EFHC1: variants seen among roughly 807,000 people sequenced by gnomAD.
The protein encoded by EFHC1 is EF-hand domain containing 1, also known as EF-hand domain-containing protein 1.
In EFHC1, 53 loss-of-function variants were observed where a neutral mutation model predicts 69.9. The observed-to-expected ratio is 0.76, with a 90% CI of 0.61 to 0.95. EFHC1 has a LOEUF of 0.95. Among genes scored for constraint, EFHC1 ranks in the 40% least tolerant of loss-of-function variants. The probability of loss-of-function intolerance (pLI) is 0.00; values close to 1 mark genes in which losing one functional copy is unlikely to be tolerated. For missense variants in EFHC1, 739 were observed against 798.7 expected, an observed-to-expected ratio of 0.93 and a Z score of 0.90; for synonymous variants, 256 against 278.4, an observed-to-expected ratio of 0.92 and a Z score of 0.80.
At chr6:52,468,416 G>C (rs1765358041) in intron 6 of EFHC1, 1 of 152,192 alleles carries the variant, frequency 6.6e-6, no homozygotes, top group Non-Finnish European at 1.5e-5. Flanking sequence ...ATTTAGGGAA[G>C]GTCTTTATTC....
At chr6:52,432,146 C>T (rs1764429256) in intron 2 of EFHC1, among the ~76,000 whole-genome samples, 1 of 152,104 alleles carries the variant, frequency 6.6e-6, no homozygotes, top group Non-Finnish European at 1.5e-5. Flanking sequence ...CTTATCCATT[C>T]TGCGATTCTG....
chr6:52,439,276 G>T (rs768243193), intron 3 of EFHC1, among the ~76,000 whole-genome samples: 6 of 152,128 alleles, frequency 3.9e-5, no homozygotes, highest in Non-Finnish European at 8.8e-5. Context: ...TAGCAGCAAA[G>T]ATATAGTTTC....
chr6:52,455,120 T>A (rs1158256016), intron 5 of EFHC1, among the ~76,000 whole-genome samples: 1 of 151,906 alleles, frequency 6.6e-6, no homozygotes, highest in Non-Finnish European at 1.5e-5. Flanking sequence ...CCTACCATAT[T>A]TGAGAGTGGC....
intron 5 of EFHC1, among the ~76,000 whole-genome samples, chr6:52,459,896 G>A (rs988004303): frequency 6.6e-6 from 1 of 152,094 alleles, no homozygotes; most frequent in African/African-American, 2.4e-5. Flanking sequence ...GGATGGTCTC[G>A]ATCTCCTGAC....
intron 2 of EFHC1, among the ~76,000 whole-genome samples, chr6:52,424,452 ATATTCTATGTT>A (rs1399095927): frequency 6.6e-6 from 1 of 152,196 alleles, no homozygotes; most frequent in East Asian, 1.9e-4. Context: ...TCTTGAATTT[ATATTCTATGTT>A]TATCAGCCGT....
chr6:52,474,459 T>C (rs1562460449), intron 7 of EFHC1, among the ~76,000 whole-genome samples: 1 of 152,256 alleles, frequency 6.6e-6, no homozygotes, highest in Non-Finnish European at 1.5e-5. Context: ...TCATACTCTT[T>C]ACTAAGAGAG....
At chr6:52,469,214 T>TC in intron 6 of EFHC1, 119 bp from the exon 7 acceptor site, 2 of 1,303,168 alleles carry the variant, frequency 1.5e-6, no homozygotes, top group Non-Finnish European at 1.1e-6. Flanking sequence ...TTTGTTTATG[T>TC]AGAAAATATA....
intron 1 of EFHC1, chr6:52,421,151 T>A (rs1764182713): frequency 1.5e-6 from 1 of 658,552 alleles, no homozygotes; most frequent in Admixed American, 6.2e-5. Context: ...TTTAGTCCCA[T>A]CCTCTCCCCA....
rs536166304 is a variant in EFHC1, at chr6:52,494,612, T to C, written c.*2271T>C. The C allele has an allele frequency of 2.2e-5, 10 of 454,138 alleles. No individual in the cohort carries two copies. The highest frequency in any genetic ancestry group is 4.0e-5 in the Non-Finnish European group (9 of 226,796). 28.1% of individuals were successfully genotyped at this position (454,138 alleles called of 1,614,324 possible). A position where few individuals can be genotyped will look rare whatever the true frequency, so the allele number is the denominator to read the frequency against. ...TCTCTTTTTGGATTCAGGGGGTACA[T>C]GTGCAGGTTTGTTACATGAGTATAT... On this transcript the variant is annotated 3_prime_UTR_variant, in exon 11 of 11. Transcript: ENST00000371068.
chr6:52,469,279 T>C (rs1195037695), intron 6 of EFHC1, 54 bp from the exon 7 acceptor site: 4 of 1,608,160 alleles, frequency 2.5e-6, no homozygotes, highest in Non-Finnish European at 3.4e-6. Flanking sequence ...ACCTTTAATG[T>C]AATCTTAACA....
At chr6:52,465,173 T>A in intron 6 of EFHC1, 58 bp downstream of exon 6, 4 of 1,476,564 alleles carry the variant, frequency 2.7e-6, no homozygotes, top group Admixed American at 1.8e-5. Context: ...GGTAGAAATT[T>A]AAGAAAAAAA....
Position 52,452,591 on chromosome 6 carries a change from A to G in EFHC1, c.574-97A>G, listed in dbSNP as rs1764938685. The G allele has an allele frequency of 2.1e-6, 3 of 1,423,842 alleles. No homozygotes were observed. In the East Asian group the frequency reaches 7.0e-5, roughly 33 times the overall value. The allele number at this position is 1,423,842 out of a possible 1,614,324, so 88.2% of individuals were successfully genotyped here. ...TGCTGAGATTGTAGGCCTGAGCCAC[A>G]GTGCCTGGCCCATACACTTATTTTT... On this transcript the variant is annotated intron_variant, in intron 3 of 10. Coordinates refer to ENST00000371068, the MANE Select transcript of EFHC1 (RefSeq NM_018100.4).
intron 5 of EFHC1, among the ~76,000 whole-genome samples, chr6:52,461,383 C>A (rs1765162736): frequency 6.6e-6 from 1 of 152,166 alleles, no homozygotes; most frequent in Admixed American, 6.5e-5. Context: ...ATCCATGTTC[C>A]TGCACAGGAT....
At chr6:52,426,105 A>G (rs537934772) in intron 2 of EFHC1, among the ~76,000 whole-genome samples, 6 of 152,322 alleles carry the variant, frequency 3.9e-5, no homozygotes, top group Non-Finnish European at 5.9e-5. Context: ...TTCTCTAGCT[A>G]GAGTCATATC....
chr6:52,427,958 G>C (rs1013101094), intron 2 of EFHC1, among the ~76,000 whole-genome samples: 1 of 151,864 alleles, frequency 6.6e-6, no homozygotes, highest in Non-Finnish European at 1.5e-5. Context: ...TTCTAATTCT[G>C]GGTCTCCTAC....
intron 9 of EFHC1, chr6:52,487,614 C>A (rs1765813520): frequency 6.6e-6 from 1 of 152,222 alleles, no homozygotes; most frequent in Non-Finnish European, 1.5e-5. Flanking sequence ...TTTTGCTTAT[C>A]TGTCTCATTT....
intron 1 of EFHC1, among the ~76,000 whole-genome samples, chr6:52,422,453 C>CTGA (rs1562441561): frequency 1.3e-5 from 2 of 152,034 alleles, no homozygotes; most frequent in African/African-American, 4.8e-5. Flanking sequence ...AAACAAATGT[C>CTGA]ATACATTTGT....
Position 52,469,460 on chromosome 6 carries a change from A to G in EFHC1, c.1265A>G (p.Tyr422Cys). The change falls in exon 7 of 11, where the codon TAT (tyrosine) becomes TGT (cysteine). Residue 422 changes from tyrosine to cysteine, a missense_variant. By Grantham distance (194) the Tyr-to-Cys change is radical (BLOSUM62 -2). Transcript: ENST00000371068. ...MLVNDNKVLR[Y>C]LAVLESPIPE... Reference sequence around the variant, plus strand: ...GTGAATGATAACAAGGTGCTTCGTTATTTGGCTGTACTGGTGAGGCTAATT... The same window carrying G: ...GTGAATGATAACAAGGTGCTTCGTTGTTTGGCTGTACTGGTGAGGCTAATT... 6.2e-7 allele frequency: 1 copy of G among 1,613,884 alleles called. No homozygotes were observed. The highest frequency in any genetic ancestry group is 2.2e-5 in the East Asian group (1 of 44,838).
intron 2 of EFHC1, among the ~76,000 whole-genome samples, chr6:52,429,473 T>C (rs1764371804): frequency 6.6e-6 from 1 of 152,186 alleles, no homozygotes; most frequent in African/African-American, 2.4e-5. Flanking sequence ...TTTATGTTTT[T>C]GTTTGCTTTG....
Sources: gnomAD v4.1 joint callset for allele counts (sites outside exome capture counted in the v4.1 genomes callset) on GRCh38, gnomAD v4.1.1 for gene constraint, MANE v1.5 for transcripts, NCBI Gene and HGNC (gene_info 2026-07-23, HGNC 2026-07-21) for gene names.